The following SLC39A9 variants were observed in gnomAD, a reference collection of about 807,000 sequenced individuals.
SLC39A9 encodes zinc transporter ZIP9.
In SLC39A9, 14 loss-of-function variants were observed where a neutral mutation model predicts 28.4. That is an observed-to-expected ratio of 0.49 (90% CI 0.33 to 0.77). SLC39A9 has a LOEUF of 0.77. SLC39A9 is among the 30% of genes least tolerant of loss of function. SLC39A9 has a pLI of 0.02. For missense variants in SLC39A9, 283 were observed against 381.1 expected (o/e 0.74, Z 2.14); for synonymous variants, 119 against 149.6 (o/e 0.80, Z 1.49).
chr14:69,461,541 A>G lies in SLC39A9; in HGVS notation c.*2948A>G, dbSNP rs1373628802. ...TTTCTTTCCCAATTCAAAACAGCCAAGTGAGCCCTGTTCTGGTATTTTGAA... is the reference window on the plus strand; with the variant it reads ...TTTCTTTCCCAATTCAAAACAGCCAGGTGAGCCCTGTTCTGGTATTTTGAA... On this transcript the variant is annotated 3_prime_UTR_variant, in exon 7 of 7. Coordinates refer to ENST00000336643, the MANE Select transcript of SLC39A9 (RefSeq NM_018375.5). 6 of 1,460,384 alleles carry G rather than the reference A, an allele frequency of 4.1e-6. No homozygotes were observed. The highest frequency in any genetic ancestry group is 2.8e-5 in the African/African-American group (2 of 70,292). The allele number at this position is 1,460,384 out of a possible 1,614,324, so 90.5% of individuals were successfully genotyped here. A position where few individuals can be genotyped will look rare whatever the true frequency, so the allele number is the denominator to read the frequency against.
chr14:69,416,986 T>G (rs1159032842), intron 1 of SLC39A9, among the ~76,000 whole-genome samples: 1 of 152,222 alleles, frequency 6.6e-6, no homozygotes, highest in Non-Finnish European at 1.5e-5. Context: ...TTAGATCCCA[T>G]TTGTCTATTT....
In SLC39A9 at chr14:69,460,723, C is replaced by A; in HGVS notation, c.*2130C>A. The A allele has an allele frequency of 3.0e-6, 3 of 985,462 alleles. No homozygotes were observed. The highest frequency in any genetic ancestry group is 2.4e-6 in the Non-Finnish European group (2 of 829,964). The allele number at this position is 985,462 out of a possible 1,614,324, so 61.0% of individuals were successfully genotyped here. A position where few individuals can be genotyped will look rare whatever the true frequency, so the allele number is the denominator to read the frequency against. ...CGGCAAGGATTGAACCATCTGACTT[C>A]CAAATTTGCCTTCCCCTCTGGACCT... On this transcript the variant is annotated 3_prime_UTR_variant, in exon 7 of 7. Coordinates refer to ENST00000336643, the MANE Select transcript of SLC39A9 (RefSeq NM_018375.5).
intron 2 of SLC39A9, among the ~76,000 whole-genome samples, chr14:69,425,695 TCTCA>T (rs1216600230): frequency 1.3e-5 from 2 of 152,000 alleles, no homozygotes; most frequent in African/African-American, 2.4e-5. Context: ...TGAGACATGG[TCTCA>T]CTCTGTCGCC....
At chr14:69,410,561 C>T (rs1225052683) in intron 1 of SLC39A9, among the ~76,000 whole-genome samples, 1 of 152,206 alleles carries the variant, frequency 6.6e-6, no homozygotes, top group Non-Finnish European at 1.5e-5. Flanking sequence ...AGCTTTTGGG[C>T]ATCTTGTTTC....
At position 69,458,732 on chromosome 14, in the gene SLC39A9, G is replaced by A; in HGVS notation, c.*139G>A. The A allele has an allele frequency of 1.4e-6, 2 of 1,411,150 alleles. No individual in the cohort carries two copies. The highest frequency in any genetic ancestry group is 1.8e-6 in the Non-Finnish European group (2 of 1,084,406). The allele number at this position is 1,411,150 out of a possible 1,614,324, so 87.4% of individuals were successfully genotyped here. ...TATTCCTAGAGTCCAGAGGGGAGGT[G>A]AGGTTAAAACCTGAGTAATGGAAAA... On this transcript the variant is annotated 3_prime_UTR_variant, in exon 7 of 7. Coordinates refer to ENST00000336643, the MANE Select transcript of SLC39A9 (RefSeq NM_018375.5).
At chr14:69,434,239 G>A (rs1430060251) in intron 2 of SLC39A9, among the ~76,000 whole-genome samples, 3 of 150,642 alleles carry the variant, frequency 2.0e-5, no homozygotes, top group Non-Finnish European at 3.0e-5. Flanking sequence ...GCCCACCACC[G>A]CGTCCTGCTA....
Position 69,459,354 on chromosome 14 carries a change from G to C in SLC39A9, c.*761G>C. 6 of 985,382 alleles carry C rather than the reference G, an allele frequency of 6.1e-6. No individual in the cohort carries two copies. Among genetic ancestry groups the C allele is most frequent in the Non-Finnish European group, 7.2e-6 (6 of 829,924 alleles). 61.0% of individuals were successfully genotyped at this position (985,382 alleles called of 1,614,324 possible). A position where few individuals can be genotyped will look rare whatever the true frequency, so the allele number is the denominator to read the frequency against. ...ATTCCTTGTCAAGTTCTCCTTTGCA[G>C]AATACCTGTCTCCACATTCCTAGAG... On this transcript the variant is annotated 3_prime_UTR_variant, in exon 7 of 7. Coordinates refer to ENST00000336643, the MANE Select transcript of SLC39A9 (RefSeq NM_018375.5).
At chr14:69,412,766 G>A (rs923818043) in intron 1 of SLC39A9, among the ~76,000 whole-genome samples, 4 of 152,160 alleles carry the variant, frequency 2.6e-5, no homozygotes, top group African/African-American at 9.7e-5. Flanking sequence ...TGTGGGGAAG[G>A]GGTTACAGGG....
At chr14:69,412,039 C>A (rs1222361660) in intron 1 of SLC39A9, among the ~76,000 whole-genome samples, 1 of 151,850 alleles carries the variant, frequency 6.6e-6, no homozygotes, top group Non-Finnish European at 1.5e-5. Context: ...CCTCAACCTC[C>A]CATAGTGCTG....
At chr14:69,438,996 C>T (rs1157511713) in intron 2 of SLC39A9, among the ~76,000 whole-genome samples, 1 of 152,136 alleles carries the variant, frequency 6.6e-6, no homozygotes, top group Non-Finnish European at 1.5e-5. Flanking sequence ...GTAAAGTTGT[C>T]TCTGTTTTCA....
chr14:69,457,938 G>T (rs1885942201), intron 6 of SLC39A9, among the ~76,000 whole-genome samples: 1 of 152,136 alleles, frequency 6.6e-6, no homozygotes, highest in Non-Finnish European at 1.5e-5. Context: ...ACAGAATGAT[G>T]GAACTGTGGT....
At chr14:69,400,403 C>G (rs1478519209) in intron 1 of SLC39A9, among the ~76,000 whole-genome samples, 1 of 152,206 alleles carries the variant, frequency 6.6e-6, no homozygotes, top group Non-Finnish European at 1.5e-5. Context: ...GATGAAAGCA[C>G]TGTTCAGTGA....
chr14:69,429,241 A>G (rs918855012), intron 2 of SLC39A9: 3 of 152,124 alleles, frequency 2.0e-5, no homozygotes, highest in African/African-American at 4.8e-5. Context: ...GATAGAGCTT[A>G]TGTTCAGTAA....
At chr14:69,447,777 G>T (rs576442438) in intron 3 of SLC39A9, among the ~76,000 whole-genome samples, 19 of 152,068 alleles carry the variant, frequency 1.2e-4, no homozygotes, top group African/African-American at 4.1e-4. Context: ...GCTGGTCGTG[G>T]TGACCTGCGC....
chr14:69,399,136 TG>T lies in SLC39A9; in HGVS notation c.-231del, dbSNP rs1882477472. The T allele has an allele frequency of 6.0e-6, 3 of 501,280 alleles. No homozygotes were observed. The highest frequency in any genetic ancestry group is 1.0e-5 in the Non-Finnish European group (3 of 287,056). 31.1% of individuals were successfully genotyped at this position (501,280 alleles called of 1,614,324 possible). A position where few individuals can be genotyped will look rare whatever the true frequency, so the allele number is the denominator to read the frequency against. ...GACTGGCATCTGAGAACCCAGAGCC[TG>T]GGACCTTAGATTGCTGTAAGCTTTC... On this transcript the variant is annotated 5_prime_UTR_variant, in exon 1 of 7. Transcript: ENST00000336643.
At chr14:69,442,356 C>G in intron 3 of SLC39A9, 90 bp downstream of exon 3, 1 of 1,246,150 alleles carries the variant, frequency 8.0e-7, no homozygotes, top group South Asian at 1.4e-5. Context: ...GTATCAGTGG[C>G]CATATTTAGT....
chr14:69,420,168 C>G lies in SLC39A9; in HGVS notation c.97-3926C>G, dbSNP rs187117470. Among the ~76,000 whole-genome samples, 309 of 152,300 alleles carry G rather than the reference C, an allele frequency of 2.0e-3. 1 individual carries two copies. Among genetic ancestry groups the G allele is most frequent in the African/African-American group, 7.2e-3 (298 of 41,558 alleles). On this transcript the variant is annotated intron_variant, in intron 1 of 6. Coordinates refer to ENST00000336643, the MANE Select transcript of SLC39A9 (RefSeq NM_018375.5). ...TCCTTTCCATGTTTAGTGCTTCCTT[C>G]AGGAGCTCTTGTAAGGCAAGCCTGG...
At position 69,398,714 on chromosome 14, in the gene SLC39A9, A is replaced by G. The variant is rs774193785; in HGVS notation, c.-656A>G. On this transcript the variant is annotated 5_prime_UTR_variant, in exon 1 of 7. An upstream start codon of the reference 5' UTR is lost. Transcript: ENST00000336643. ...AATGAAGAGATGCCACTTGGCGGCC[A>G]TGGCAGCTGTAGTATCGGCGACTCC... 78 of 229,644 alleles carry G rather than the reference A, an allele frequency of 3.4e-4. No homozygotes were observed. The highest frequency in any genetic ancestry group is 5.6e-4 in the Non-Finnish European group (64 of 113,282). The allele number at this position is 229,644 out of a possible 1,614,324, so 14.2% of individuals were successfully genotyped here. A position where few individuals can be genotyped will look rare whatever the true frequency, so the allele number is the denominator to read the frequency against.
At chr14:69,447,179 T>A (rs1026496695) in intron 3 of SLC39A9, among the ~76,000 whole-genome samples, 2 of 152,214 alleles carry the variant, frequency 1.3e-5, no homozygotes, top group Admixed American at 6.5e-5. Context: ...AGAAATCAGA[T>A]GATACCTTGA....
Sources: gnomAD v4.1 joint callset for allele counts (sites outside exome capture counted in the v4.1 genomes callset) on GRCh38, gnomAD v4.1.1 for gene constraint, MANE v1.5 for transcripts, NCBI Gene and HGNC (gene_info 2026-07-23, HGNC 2026-07-21) for gene names.